The following COXFA4 variants were observed in gnomAD, a reference collection of about 807,000 sequenced individuals.
COXFA4 encodes the protein cytochrome c oxidase subunit FA4.
the COXFA4 span, among the ~76,000 whole-genome samples, chr7:10,935,660 T>C: frequency 0.024 from 3,636 of 152,228 alleles, 142 homozygotes; most frequent in East Asian, 0.13. Context: ...TCCTTCCATA[T>C]TGTGAGGACA....
At chr7:10,934,376 T>TAAA in the COXFA4 span, among the ~76,000 whole-genome samples, 3,924 of 126,910 alleles carry the variant, frequency 0.031, 126 homozygotes, top group African/African-American at 0.079. Context: ...GTGATTGCTT[T>TAAA]AAAAAAAAAA....
chr7:10,937,955 A>G, the COXFA4 span: 1 of 708,110 alleles, frequency 1.4e-6, no homozygotes, highest in Non-Finnish European at 2.5e-6. Flanking sequence ...TTCATTTCAC[A>G]GAACTACCTA....
chr7:10,939,946 G>T, the COXFA4 span: 1 of 1,556,372 alleles, frequency 6.4e-7, no homozygotes, highest in Non-Finnish European at 8.9e-7. Flanking sequence ...CGTTCCCAGG[G>T]AACAGAAAGA....
At chr7:10,932,597 T>TG in the COXFA4 span, 1 of 152,238 alleles carries the variant, frequency 6.6e-6, no homozygotes, top group Admixed American at 6.5e-5. Context: ...TTCTATGATG[T>TG]GATGACTTAC....
At chr7:10,936,693 A>G in the COXFA4 span, among the ~76,000 whole-genome samples, 1 of 152,188 alleles carries the variant, frequency 6.6e-6, no homozygotes, top group Non-Finnish European at 1.5e-5. Context: ...AAGCCAAATT[A>G]TAATCAGGTT....
At chr7:10,936,361 C>A in the COXFA4 span, among the ~76,000 whole-genome samples, 9 of 152,324 alleles carry the variant, frequency 5.9e-5, no homozygotes, top group East Asian at 1.7e-3. Context: ...AGTAGACTGG[C>A]TGCATTATCG....
the COXFA4 span, chr7:10,939,966 C>T: frequency 9.6e-4 from 1,542 of 1,608,366 alleles, 22 homozygotes; most frequent in South Asian, 0.014. Flanking sequence ...AGGCGCACCC[C>T]GACGCAAGAA....
At chr7:10,932,963 CA>C in the COXFA4 span, 397 of 120,970 alleles carry the variant, frequency 3.3e-3, no homozygotes, top group Middle Eastern at 4.3e-3. Flanking sequence ...GAGACTATCT[CA>C]AAAAAAAAAA....
chr7:10,936,457 T>G, the COXFA4 span, among the ~76,000 whole-genome samples: 1 of 152,156 alleles, frequency 6.6e-6, no homozygotes, highest in Non-Finnish European at 1.5e-5. Flanking sequence ...TGCTAGTTTT[T>G]TTGTTTGTTT....
At chr7:10,939,654 T>G in the COXFA4 span, 23,380 of 319,492 alleles carry the variant, frequency 0.073, 1,456 homozygotes, top group African/African-American at 0.21. Context: ...GTATAACACA[T>G]AGGGAACCTG....
chr7:10,932,334 G>C, the COXFA4 span: 1 of 152,186 alleles, frequency 6.6e-6, no homozygotes, highest in Non-Finnish European at 1.5e-5. Flanking sequence ...AAAGCATGGA[G>C]TCTGGTAACT....
chr7:10,937,249 AATGGT>A, the COXFA4 span, among the ~76,000 whole-genome samples: 21,504 of 151,602 alleles, frequency 0.14, 1,829 homozygotes, highest in African/African-American at 0.24. Context: ...ATGGTATGTG[AATGGT>A]ATGGTATCTT....
At chr7:10,935,421 A>C in the COXFA4 span, among the ~76,000 whole-genome samples, 1 of 152,198 alleles carries the variant, frequency 6.6e-6, no homozygotes, top group African/African-American at 2.4e-5. Flanking sequence ...TAATGCTCAA[A>C]TCTTATTTTG....
At chr7:10,939,817 C>T in the COXFA4 span, 2 of 695,500 alleles carry the variant, frequency 2.9e-6, no homozygotes, top group East Asian at 5.1e-5. Flanking sequence ...TTCCTCCTGT[C>T]AGACAAAACC....
the COXFA4 span, chr7:10,932,343 C>G: frequency 2.0e-5 from 3 of 152,200 alleles, no homozygotes; most frequent in East Asian, 5.8e-4. Context: ...AGTCTGGTAA[C>G]TGAAAACACT....
chr7:10,940,087 G>C, the COXFA4 span: 1 of 1,612,146 alleles, frequency 6.2e-7, no homozygotes, highest in Non-Finnish European at 8.5e-7. Flanking sequence ...GACTGGAAAG[G>C]AGAGAACCGA....
chr7:10,933,772 G>A, the COXFA4 span: 1 of 1,039,212 alleles, frequency 9.6e-7, no homozygotes, highest in South Asian at 1.4e-5. Context: ...CTTTGTATTT[G>A]GTTTTCTACA....
the COXFA4 span, chr7:10,931,946 C>T: frequency 6.6e-6 from 1 of 152,154 alleles, no homozygotes; most frequent in Non-Finnish European, 1.5e-5. Flanking sequence ...AACGTTATTA[C>T]TAATTTCTTA....
chr7:10,938,978 T>A, the COXFA4 span: 1 of 1,075,898 alleles, frequency 9.3e-7, no homozygotes, highest in Non-Finnish European at 1.4e-6. Context: ...TTTCTGCACA[T>A]TGATTTCCAA....
Sources: gnomAD v4.1 joint callset for allele counts (sites outside exome capture counted in the v4.1 genomes callset) on GRCh38, gnomAD v4.1.1 for gene constraint, MANE v1.5 for transcripts, NCBI Gene and HGNC (gene_info 2026-07-23, HGNC 2026-07-21) for gene names.